PRKAG2: variants seen among roughly 807,000 people sequenced by gnomAD.
The protein encoded by PRKAG2 is 5'-AMP-activated protein kinase subunit gamma-2.
In PRKAG2, 26 loss-of-function variants were observed where a neutral mutation model predicts 69.6. That is an observed-to-expected ratio of 0.37 (90% CI 0.27 to 0.52). PRKAG2 has a LOEUF of 0.52. Among genes scored for constraint, PRKAG2 ranks in the 20% least tolerant of loss-of-function variants. The pLI, the probability that PRKAG2 is intolerant of heterozygous loss-of-function variation, is 0.90. For missense variants in PRKAG2, 557 were observed against 740.0 expected (o/e 0.75, Z 2.87); for synonymous variants, 293 against 285.0 (o/e 1.03, Z -0.28).
chr7:151,607,446 A>T (rs890627467), intron 5 of PRKAG2, among the ~76,000 whole-genome samples: 3 of 146,036 alleles, frequency 2.1e-5, no homozygotes, highest in Non-Finnish European at 3.0e-5. Flanking sequence ...TTTATTCTGT[A>T]TTTTTTTTTT....
At chr7:151,579,829 T>C (rs1267910662) in intron 6 of PRKAG2, among the ~76,000 whole-genome samples, 1 of 151,904 alleles carries the variant, frequency 6.6e-6, no homozygotes, top group East Asian at 1.9e-4. Context: ...CACATTGGCT[T>C]TCAAAAGGGT....
At chr7:151,847,392 A>G (rs2079458804) in intron 1 of PRKAG2, among the ~76,000 whole-genome samples, 1 of 152,062 alleles carries the variant, frequency 6.6e-6, no homozygotes, top group Admixed American at 6.6e-5. Flanking sequence ...CTCTTAGCTG[A>G]CTTTTCCTTC....
intron 1 of PRKAG2, among the ~76,000 whole-genome samples, chr7:151,857,157 A>T (rs553352022): frequency 7.7e-5 from 11 of 143,426 alleles, no homozygotes; most frequent in African/African-American, 2.5e-4. Flanking sequence ...GCCCACAGGG[A>T]GTATAAGGGA....
chr7:151,787,046 G>A (rs1453260758), intron 1 of PRKAG2, among the ~76,000 whole-genome samples: 1 of 152,108 alleles, frequency 6.6e-6, no homozygotes, highest in Admixed American at 6.5e-5. Context: ...AATAGATTTG[G>A]GGAAAGTAGC....
chr7:151,632,452 G>A lies in PRKAG2; in HGVS notation c.685-314C>T, dbSNP rs1563307591. 6 of 639,610 alleles carry A rather than the reference G, an allele frequency of 9.4e-6. No homozygotes were observed. Among genetic ancestry groups the A allele is most frequent in the South Asian group, 6.9e-5 (1 of 14,534 alleles). 39.6% of individuals were successfully genotyped at this position (639,610 alleles called of 1,614,324 possible). On this transcript the variant is annotated intron_variant, in intron 4 of 15. Transcript: ENST00000287878. This position sits in a 1 kb window ranked among gnomAD's most constrained non-coding sequence, Gnocchi z 4.2. ...CGTGGGAAGGGACCCGGGAGCTCGA[G>A]GGCGGCAGCGCCTGGGCCCGGGGCG...
chr7:151,580,027 C>T (rs763304125), intron 6 of PRKAG2, among the ~76,000 whole-genome samples: 3 of 152,172 alleles, frequency 2.0e-5, no homozygotes, highest in Non-Finnish European at 4.4e-5. Flanking sequence ...AGAAAATTGT[C>T]ACCAACCAAC....
At chr7:151,872,861 G>A (rs761437448) in intron 1 of PRKAG2, among the ~76,000 whole-genome samples, 10 of 152,332 alleles carry the variant, frequency 6.6e-5, no homozygotes, top group East Asian at 3.9e-4. Context: ...TATCCACAGC[G>A]TCCACCGCAG....
intron 3 of PRKAG2, among the ~76,000 whole-genome samples, chr7:151,716,381 C>T (rs1039971989): frequency 6.6e-6 from 1 of 152,102 alleles, no homozygotes; most frequent in African/African-American, 2.4e-5. Flanking sequence ...CCTTTGTGAC[C>T]CTGGGCACCT....
chr7:151,796,462 A>C (rs894906085), intron 1 of PRKAG2, among the ~76,000 whole-genome samples: 8 of 152,170 alleles, frequency 5.3e-5, no homozygotes, highest in African/African-American at 1.9e-4. Context: ...AAGGGCAATC[A>C]CAGGTTTAGA....
intron 4 of PRKAG2, among the ~76,000 whole-genome samples, chr7:151,668,598 T>C (rs1018744146): frequency 5.3e-5 from 8 of 152,136 alleles, no homozygotes; most frequent in African/African-American, 1.7e-4. Flanking sequence ...TGGAGGTGCA[T>C]CTCCCTTGTC....
chr7:151,712,800 G>C (rs1795538131), intron 3 of PRKAG2, among the ~76,000 whole-genome samples: 1 of 152,230 alleles, frequency 6.6e-6, no homozygotes, highest in Admixed American at 6.5e-5. Context: ...TGTCTTTCCT[G>C]GGAGAGGTTC....
At chr7:151,695,888 C>T (rs755600610) in intron 3 of PRKAG2, among the ~76,000 whole-genome samples, 98 of 152,282 alleles carry the variant, frequency 6.4e-4, no homozygotes, top group Admixed American at 9.8e-4. Context: ...AGGTGGAAAC[C>T]GTAGGCACTG....
At chr7:151,816,735 G>A (rs906395841) in intron 1 of PRKAG2, among the ~76,000 whole-genome samples, 8 of 152,196 alleles carry the variant, frequency 5.3e-5, no homozygotes, top group Admixed American at 1.3e-4. Context: ...CCAGAGATCC[G>A]GCCAATCTCA....
intron 3 of PRKAG2, among the ~76,000 whole-genome samples, chr7:151,695,850 C>T (rs1255280584): frequency 1.3e-5 from 2 of 152,188 alleles, no homozygotes; most frequent in South Asian, 2.1e-4. Flanking sequence ...GAACTAATCA[C>T]TCTTGGTGGT....
chr7:151,809,247 A>C (rs1474429345), intron 1 of PRKAG2: 2 of 456,604 alleles, frequency 4.4e-6, no homozygotes, highest in African/African-American at 4.0e-5. Context: ...CTTTCAAAAC[A>C]GGTGAATCCC....
At chr7:151,695,437 G>T (rs1836447280) in intron 3 of PRKAG2, among the ~76,000 whole-genome samples, 1 of 152,150 alleles carries the variant, frequency 6.6e-6, no homozygotes, top group Admixed American at 6.5e-5. Flanking sequence ...AGCCCAGCCA[G>T]AAGTAGGCAT....
intron 4 of PRKAG2, among the ~76,000 whole-genome samples, chr7:151,662,078 T>G (rs1003760081): frequency 1.3e-5 from 2 of 152,190 alleles, no homozygotes; most frequent in South Asian, 4.1e-4. Context: ...CACAACTCTA[T>G]TGGTAAAGAA....
At chr7:151,566,815 G>T (rs1412128331) in intron 11 of PRKAG2, among the ~76,000 whole-genome samples, 1 of 152,126 alleles carries the variant, frequency 6.6e-6, no homozygotes, top group African/African-American at 2.4e-5. Context: ...ACGTCTTGAA[G>T]GGTAATGCTC....
chr7:151,565,989 G>GT, intron 11 of PRKAG2, 104 bp from the exon 12 acceptor site: 2 of 1,349,998 alleles, frequency 1.5e-6, no homozygotes, highest in Non-Finnish European at 2.1e-6. Context: ...ATTAAAGTTA[G>GT]TTTTTTCTAA....
Sources: gnomAD v4.1 joint callset for allele counts (sites outside exome capture counted in the v4.1 genomes callset) on GRCh38, gnomAD v4.1.1 for gene constraint, Gnocchi (gnomAD v3.1) non-coding constraint, MANE v1.5 for transcripts, NCBI Gene and HGNC (gene_info 2026-07-23, HGNC 2026-07-21) for gene names.